VGLL3: variants seen among roughly 807,000 people sequenced by gnomAD.
VGLL3 encodes the protein transcription cofactor vestigial-like protein 3.
VGLL3 carries 18 observed loss-of-function variants against 29.2 expected under a neutral mutation model. The observed-to-expected ratio is 0.62, with a 90% CI of 0.43 to 0.91. The LOEUF (loss-of-function observed/expected upper bound fraction) is 0.91, where lower values mean the gene tolerates loss of function less well. VGLL3 is among the 40% of genes least tolerant of loss of function. The probability of loss-of-function intolerance (pLI) is 0.00; values close to 1 mark genes in which losing one functional copy is unlikely to be tolerated. For synonymous variants in VGLL3, 180 were observed against 151.8 expected (o/e 1.19, Z -1.36); for missense variants, 440 against 413.2 (o/e 1.06, Z -0.56).
chr3:86,960,974 ATGT>A (rs1291888806), intron 3 of VGLL3, among the ~76,000 whole-genome samples: 1 of 142,710 alleles, frequency 7.0e-6, no homozygotes, highest in Non-Finnish European at 1.5e-5. Flanking sequence ...TATGCATATG[ATGT>A]TGTTTTGTTT....
At chr3:86,949,471 T>G (rs1161066146) in intron 3 of VGLL3, among the ~76,000 whole-genome samples, 2 of 152,078 alleles carry the variant, frequency 1.3e-5, no homozygotes, top group Non-Finnish European at 2.9e-5. Context: ...AAAATAGGCA[T>G]ATGTAAAGCA....
rs751434976 is a variant in VGLL3, at chr3:86,990,712, T to C, written c.32A>G (p.Gln11Arg). 7.6e-7 allele frequency: 1 copy of C among 1,320,636 alleles called. No homozygotes were observed. The highest frequency in any genetic ancestry group is 2.3e-4 in the Middle Eastern group (1 of 4,430). The allele number at this position is 1,320,636 out of a possible 1,614,324, so 81.8% of individuals were successfully genotyped here. MSCAEVMYHP[Q>R]PYGASQYLPN... ...CAGATACTGGGACGCTCCATAAGGC[T>C]GGGGGTGATACATCACCTCCGCACA... The change falls in exon 1 of 4, where the codon CAG (glutamine) becomes CGG (arginine). Residue 11 changes from glutamine to arginine, a missense_variant. Gln to Arg is a conservative substitution (Grantham distance 43). Transcript: ENST00000398399.
At chr3:86,953,128 TAA>T (rs1704648605) in intron 3 of VGLL3, among the ~76,000 whole-genome samples, 1 of 152,144 alleles carries the variant, frequency 6.6e-6, no homozygotes, top group African/African-American at 2.4e-5. Flanking sequence ...AAAACATTTT[TAA>T]AACTCTTAAA....
chr3:86,954,750 C>T (rs367869291), intron 3 of VGLL3, among the ~76,000 whole-genome samples: 14 of 152,000 alleles, frequency 9.2e-5, no homozygotes, highest in African/African-American at 2.9e-4. Context: ...CTTACCAATT[C>T]GGTGACTTCA....
intron 3 of VGLL3, among the ~76,000 whole-genome samples, chr3:86,965,121 C>T (rs1162241559): frequency 6.6e-6 from 1 of 150,828 alleles, no homozygotes; most frequent in African/African-American, 2.4e-5. Flanking sequence ...TGCGCCACTG[C>T]ACTCCAGCCT....
At position 86,961,581 on chromosome 3, in the gene VGLL3, C is replaced by T. The variant is rs1015153653; in HGVS notation, c.937+7009G>A. Among the ~76,000 whole-genome samples the T allele has an allele frequency of 6.6e-5, 10 of 152,056 alleles. 1 individual carries two copies. The highest frequency in any genetic ancestry group is 7.4e-5 in the Non-Finnish European group (5 of 68,010). ...TGAATGCCTGGTAATATGTTGTACA[C>T]GATCACAAATATTTCCACATTTAAC... On this transcript the variant is annotated intron_variant, in intron 3 of 3. Transcript: ENST00000398399.
intron 3 of VGLL3, among the ~76,000 whole-genome samples, chr3:86,964,125 A>G (rs544093239): frequency 6.6e-6 from 1 of 152,316 alleles, no homozygotes; most frequent in East Asian, 1.9e-4. Flanking sequence ...GCAGAGTAGC[A>G]TTTGATGACA....
Position 86,990,849 on chromosome 3 carries a change from C to T in VGLL3, c.-106G>A, listed in dbSNP as rs1353230002. 1 of 1,169,788 alleles carries T rather than the reference C, an allele frequency of 8.5e-7. No homozygotes were observed. The highest frequency in any genetic ancestry group is 1.6e-5 in the African/African-American group (1 of 61,562). 72.5% of individuals were successfully genotyped at this position (1,169,788 alleles called of 1,614,324 possible). On this transcript the variant is annotated 5_prime_UTR_variant, in exon 1 of 4. Coordinates refer to ENST00000398399, the MANE Select transcript of VGLL3 (RefSeq NM_016206.4). ...CGCAGCTGCCGCCTCTGTCGCTGCT[C>T]CAGCTGCTACTGCGGCGAAGGCGGG...
At position 86,945,313 on chromosome 3, in the gene VGLL3, C is replaced by A. The variant is rs1704484739; in HGVS notation, c.*1711G>T. The A allele has an allele frequency of 6.6e-6, 1 of 152,070 alleles. No individual in the cohort carries two copies. The highest frequency in any genetic ancestry group is 2.4e-5 in the African/African-American group (1 of 41,402). 9.4% of individuals were successfully genotyped at this position (152,070 alleles called of 1,614,324 possible). A position where few individuals can be genotyped will look rare whatever the true frequency, so the allele number is the denominator to read the frequency against. On this transcript the variant is annotated 3_prime_UTR_variant, in exon 4 of 4. Coordinates refer to ENST00000398399, the MANE Select transcript of VGLL3 (RefSeq NM_016206.4). ...TTGAAAATTATCTATGAGAACTCTG[C>A]CTAGCTGAACATGTCATGTTCATGT...
chr3:86,990,457 T>G, intron 1 of VGLL3, 161 bp downstream of exon 1: 1 of 976,326 alleles, frequency 1.0e-6, no homozygotes, highest in Non-Finnish European at 1.2e-6. Context: ...CTGCTCTCCC[T>G]TCCCGGCTCT....
intron 1 of VGLL3, among the ~76,000 whole-genome samples, chr3:86,984,056 G>A (rs1430045060): frequency 1.3e-5 from 2 of 152,060 alleles, no homozygotes; most frequent in African/African-American, 4.8e-5. Flanking sequence ...CAGTCAGCAT[G>A]GCATCACATG....
chr3:86,958,617 G>A (rs1020378254), intron 3 of VGLL3, among the ~76,000 whole-genome samples: 1 of 152,154 alleles, frequency 6.6e-6, no homozygotes, highest in Admixed American at 6.5e-5. Context: ...TCAGAGAGCA[G>A]GGGAATTTCA....
chr3:86,946,864 G>A lies in VGLL3; in HGVS notation c.*160C>T. ...TTCTTCAATGTCTGGGACCCACTTTGCTTTCTCAAGAAAGGCCGAAAACCA... is the reference window on the plus strand; with the variant it reads ...TTCTTCAATGTCTGGGACCCACTTTACTTTCTCAAGAAAGGCCGAAAACCA... On this transcript the variant is annotated 3_prime_UTR_variant, in exon 4 of 4. Transcript: ENST00000398399. 1.7e-6 allele frequency: 1 copy of A among 585,796 alleles called. No individual in the cohort carries two copies. Among genetic ancestry groups the A allele is most frequent in the Middle Eastern group, 2.6e-4 (1 of 3,790 alleles). 36.3% of individuals were successfully genotyped at this position (585,796 alleles called of 1,614,324 possible).
chr3:86,974,898 T>C (rs916372023), intron 2 of VGLL3, among the ~76,000 whole-genome samples: 3 of 152,146 alleles, frequency 2.0e-5, no homozygotes, highest in Non-Finnish European at 4.4e-5. Flanking sequence ...CAGAAAACAA[T>C]GTTCCTGGAT....
At chr3:86,958,543 A>G (rs1339594240) in intron 3 of VGLL3, among the ~76,000 whole-genome samples, 1 of 152,220 alleles carries the variant, frequency 6.6e-6, no homozygotes, top group Middle Eastern at 3.2e-3. Flanking sequence ...GCATTGTGAC[A>G]TTATGGCACC....
chr3:86,955,491 G>A (rs1215676228), intron 3 of VGLL3, among the ~76,000 whole-genome samples: 7 of 150,896 alleles, frequency 4.6e-5, no homozygotes, highest in Non-Finnish European at 4.4e-5. Context: ...CTGGGTTCAA[G>A]CGATTCTCAT....
intron 3 of VGLL3, among the ~76,000 whole-genome samples, chr3:86,956,116 G>T (rs990834418): frequency 2.0e-5 from 3 of 152,188 alleles, no homozygotes; most frequent in African/African-American, 7.2e-5. Flanking sequence ...TATAATCTTT[G>T]CAGACTGTTC....
At chr3:86,974,924 G>GT (rs1432214065) in intron 2 of VGLL3, among the ~76,000 whole-genome samples, 1 of 152,174 alleles carries the variant, frequency 6.6e-6, no homozygotes, top group Non-Finnish European at 1.5e-5. Flanking sequence ...CTCAGGGTTT[G>GT]TTTTCTATGT....
chr3:86,980,509 G>T (rs1388882622), intron 1 of VGLL3, among the ~76,000 whole-genome samples: 1 of 152,074 alleles, frequency 6.6e-6, no homozygotes, highest in Non-Finnish European at 1.5e-5. Flanking sequence ...CTTTGTAAGT[G>T]AATGTGCCTT....
Sources: allele counts gnomAD v4.1 joint callset (sites outside exome capture counted in the v4.1 genomes callset), GRCh38; gene constraint gnomAD v4.1.1; transcripts MANE v1.5; gene names NCBI Gene and HGNC (gene_info 2026-07-23, HGNC 2026-07-21).